The following F8 variants were observed in gnomAD, a reference collection of about 807,000 sequenced individuals.
The protein encoded by F8 is coagulation factor VIII, also known as antihemophilic factor.
Under a neutral mutation model 140.6 loss-of-function variants are expected in F8, and 12 were observed. That is an observed-to-expected ratio of 0.09 (90% CI 0.05 to 0.14). The LOEUF (loss-of-function observed/expected upper bound fraction) is 0.14. F8 is among the 10% of genes least tolerant of loss of function. The probability of loss-of-function intolerance (pLI) is 1.00; values close to 1 mark genes in which losing one functional copy is unlikely to be tolerated. For missense variants in F8, 1,354 were observed against 1,720.7 expected (o/e 0.79, Z 3.77); for synonymous variants, 585 against 614.6 (o/e 0.95, Z 0.71).
intron 1 of F8, among the ~76,000 whole-genome samples, chrX:155,015,687 G>A (rs2073730653): frequency 9.0e-6 from 1 of 111,536 alleles, no homozygotes; most frequent in African/African-American, 3.3e-5. Flanking sequence ...GGGTAGCAAG[G>A]AGTGAAAAAC....
intron 12 of F8, among the ~76,000 whole-genome samples, chrX:154,952,501 T>C (rs2073342169): frequency 9.0e-6 from 1 of 110,664 alleles, no homozygotes; most frequent in Non-Finnish European, 1.9e-5. Context: ...TGAGTATAAC[T>C]CACATTATAA....
At chrX:154,985,081 C>A (rs781964595) in intron 5 of F8, among the ~76,000 whole-genome samples, 1 of 112,121 alleles carries the variant, frequency 8.9e-6, no homozygotes, top group South Asian at 3.7e-4. Flanking sequence ...TATTGGTTAG[C>A]TTGAGGCATC....
intron 1 of F8, 27 bp from the exon 2 acceptor site, chrX:154,999,627 C>A (rs903563568): frequency 7.6e-6 from 9 of 1,190,993 alleles, no homozygotes; most frequent in Admixed American, 4.4e-5. Flanking sequence ...AAAAGTCGTT[C>A]ATTTTGGTGG....
At chrX:154,919,720 C>T in intron 14 of F8, 1 of 359,454 alleles carries the variant, frequency 2.8e-6, no homozygotes, top group Non-Finnish European at 4.8e-6. Context: ...TCCCAGGGCT[C>T]TCTATTACTG....
chrX:154,916,808 A>C (rs1316848531), intron 14 of F8, among the ~76,000 whole-genome samples: 1 of 109,836 alleles, frequency 9.1e-6, no homozygotes. Flanking sequence ...TATGATTATT[A>C]TTATTATTTT....
At chrX:155,019,010 T>C (rs1338532293) in intron 1 of F8, among the ~76,000 whole-genome samples, 1 of 112,164 alleles carries the variant, frequency 8.9e-6, no homozygotes, top group East Asian at 2.8e-4. Context: ...TCTAAAGAAA[T>C]AGTACATAGA....
At chrX:154,944,373 A>C (rs1422224753) in intron 13 of F8, among the ~76,000 whole-genome samples, 4 of 111,050 alleles carry the variant, frequency 3.6e-5, no homozygotes, top group Non-Finnish European at 7.6e-5. Context: ...ATGAACAGAC[A>C]CTTCACAAAA....
intron 22 of F8, among the ~76,000 whole-genome samples, chrX:154,870,555 T>C (rs1233240043): frequency 9.0e-6 from 1 of 111,513 alleles, no homozygotes; most frequent in African/African-American, 3.3e-5. Context: ...CTCAAAATAA[T>C]AAGAGCTATT....
At chrX:154,880,912 C>T (rs1169514916) in intron 22 of F8, among the ~76,000 whole-genome samples, 24 of 110,420 alleles carry the variant, frequency 2.2e-4, no homozygotes, top group Admixed American at 1.6e-3. Flanking sequence ...ATCATGTCTC[C>T]AGCTAGGTTC....
chrX:154,898,869 A>G (rs1265436581), intron 21 of F8, among the ~76,000 whole-genome samples: 1 of 111,802 alleles, frequency 8.9e-6, no homozygotes, highest in Non-Finnish European at 1.9e-5. Flanking sequence ...TTCAGGGTTC[A>G]TTGGCTAGGC....
intron 25 of F8, among the ~76,000 whole-genome samples, chrX:154,839,415 T>C (rs1167290116): frequency 9.6e-6 from 1 of 104,601 alleles, no homozygotes. Context: ...CAGGCTGGAG[T>C]GCAGTGGCAC....
chrX:154,937,379 C>CT (rs1313029608), intron 13 of F8, among the ~76,000 whole-genome samples: 16 of 104,693 alleles, frequency 1.5e-4, no homozygotes, highest in South Asian at 8.2e-4. Flanking sequence ...AGGCGACAAA[C>CT]TTTTTTTTTT....
intron 6 of F8, among the ~76,000 whole-genome samples, chrX:154,982,319 C>A (rs1377830209): frequency 1.9e-5 from 2 of 103,620 alleles, no homozygotes; most frequent in Non-Finnish European, 3.9e-5. Context: ...AGGTGGCGGG[C>A]GCCTGTAGTC....
intron 25 of F8, among the ~76,000 whole-genome samples, chrX:154,841,178 G>C (rs2072517553): frequency 9.5e-6 from 1 of 105,059 alleles, no homozygotes; most frequent in African/African-American, 3.5e-5. Context: ...TGTTTTTATA[G>C]GACAGTTAAT....
In F8 at chrX:154,918,080, G is replaced by T. The variant is rs181419386; in HGVS notation, c.5219+10491C>A. ...TTTTCAGGAGTATGCCTGTCTAAAG[G>T]TTATGTATGAATTAGAGCTTCCTTA... On this transcript the variant is annotated intron_variant, in intron 14 of 25. Transcript: ENST00000360256. Among the ~76,000 whole-genome samples, 16 of 111,723 alleles carry T rather than the reference G, an allele frequency of 1.4e-4. No individual in the cohort carries two copies. The East Asian group carries it at 4.5e-3, about 31-fold the overall frequency.
rs149853218 is a variant in F8, at chrX:154,930,796, A to T, written c.2994T>A (p.His998Gln). 2 of 1,211,229 alleles carry T rather than the reference A, an allele frequency of 1.7e-6. No homozygotes were observed. Among genetic ancestry groups the T allele is most frequent in the East Asian group, 5.9e-5 (2 of 33,844 alleles). ...SGRLFKGKRA[H>Q]GPALLTKDNA... ...TATCTTTAGTCAACAAAGCAGGTCC[A>T]TGAGCTCTTTTCCCTTTAAATAACC... is the stretch of plus-strand genomic sequence containing the variant. The change falls in exon 14 of 26, where the codon CAT becomes CAA. Residue 998 changes from histidine (H) to glutamine (Q), a missense_variant. Physicochemically the swap from His to Gln is conservative, Grantham distance 24. Coordinates refer to ENST00000360256, the MANE Select transcript of F8 (RefSeq NM_000132.4).
chrX:154,934,446 G>T (rs782602932), intron 13 of F8, among the ~76,000 whole-genome samples: 13 of 111,791 alleles, frequency 1.2e-4, no homozygotes, highest in South Asian at 3.8e-4. Context: ...AAAACAGTCA[G>T]TCATTCATTA....
At chrX:154,967,320 G>A (rs1396052586) in intron 7 of F8, among the ~76,000 whole-genome samples, 1 of 112,217 alleles carries the variant, frequency 8.9e-6, no homozygotes, top group Non-Finnish European at 1.9e-5. Flanking sequence ...TATTTTAAGA[G>A]CATGTCTGCC....
At chrX:154,880,447 A>G (rs1166920883) in intron 22 of F8, among the ~76,000 whole-genome samples, 2 of 111,616 alleles carry the variant, frequency 1.8e-5, no homozygotes, top group African/African-American at 6.5e-5. Flanking sequence ...AGCTGCACCA[A>G]AAAACCTTGT....
Sources: gnomAD v4.1 joint callset for allele counts (sites outside exome capture counted in the v4.1 genomes callset) on GRCh38, gnomAD v4.1.1 for gene constraint, MANE v1.5 for transcripts, NCBI Gene and HGNC (gene_info 2026-07-23, HGNC 2026-07-21) for gene names.